The following TNIP3 variants were observed in gnomAD, a reference collection of about 807,000 sequenced individuals.
TNIP3 encodes the protein TNFAIP3 interacting protein 3.
A neutral mutation model predicts 54.1 loss-of-function variants in TNIP3; 34 were observed. The observed-to-expected ratio is 0.63, with a 90% CI of 0.48 to 0.84. TNIP3 has a LOEUF of 0.84. Among genes scored for constraint, TNIP3 ranks in the 40% least tolerant of loss-of-function variants. The probability of loss-of-function intolerance (pLI) is 0.00; values close to 1 mark genes in which losing one functional copy is unlikely to be tolerated. For missense variants in TNIP3, 366 were observed against 387.6 expected, an observed-to-expected ratio of 0.94 and a Z score of 0.47; for synonymous variants, 134 against 136.8, an observed-to-expected ratio of 0.98 and a Z score of 0.14.
At chr4:121,206,386 G>A (rs899628107) in intron 2 of TNIP3, among the ~76,000 whole-genome samples, 3 of 151,924 alleles carry the variant, frequency 2.0e-5, no homozygotes, top group African/African-American at 4.8e-5. Context: ...CCTGATCCTC[G>A]GTTAAGTTAA....
chr4:121,221,226 T>C (rs1727011894), upstream of TNIP3, among the ~76,000 whole-genome samples: 1 of 152,182 alleles, frequency 6.6e-6, no homozygotes, highest in South Asian at 2.1e-4. Context: ...GTTTTTCTAA[T>C]AATATCTTTA....
chr4:121,154,383 G>T, intron 5 of TNIP3, 168 bp downstream of exon 5: 1 of 833,656 alleles, frequency 1.2e-6, no homozygotes, highest in Non-Finnish European at 1.9e-6. Flanking sequence ...AGCCAAGTAT[G>T]ACTGAAAGCT....
chr4:121,197,118 A>G (rs17051319), intron 2 of TNIP3, among the ~76,000 whole-genome samples: 6,557 of 152,136 alleles, frequency 0.043, 465 homozygotes, highest in African/African-American at 0.15. Context: ...TATCAGTGCA[A>G]TATAAAAGTT....
chr4:121,147,233 G>T, intron 6 of TNIP3, 59 bp from the exon 7 acceptor site: 3 of 1,556,380 alleles, frequency 1.9e-6, no homozygotes, highest in South Asian at 1.2e-5. Flanking sequence ...CCATTTAAAT[G>T]ACTTTATTTT....
chr4:121,199,590 C>A (rs1009453756), intron 2 of TNIP3, among the ~76,000 whole-genome samples: 3 of 152,140 alleles, frequency 2.0e-5, no homozygotes, highest in African/African-American at 7.2e-5. Flanking sequence ...AAGCTTATCA[C>A]TGAATTGATC....
intron 2 of TNIP3, chr4:121,192,827 T>C (rs1278034924): frequency 6.6e-6 from 1 of 152,212 alleles, no homozygotes; most frequent in African/African-American, 2.4e-5. Flanking sequence ...AAATTTGCAT[T>C]GCATCCTTTC....
At chr4:121,135,258 G>A (rs1343779780) in intron 10 of TNIP3, among the ~76,000 whole-genome samples, 2 of 152,216 alleles carry the variant, frequency 1.3e-5, no homozygotes, top group East Asian at 1.9e-4. Context: ...GATTTACACA[G>A]ATAGGATGTA....
chr4:121,191,766 A>C (rs1308061011), intron 2 of TNIP3, among the ~76,000 whole-genome samples: 1 of 152,210 alleles, frequency 6.6e-6, no homozygotes. Flanking sequence ...ATCATATGAC[A>C]AAACACTACT....
At chr4:121,169,374 A>G (rs1015785099) in intron 3 of TNIP3, among the ~76,000 whole-genome samples, 1 of 152,102 alleles carries the variant, frequency 6.6e-6, no homozygotes, top group African/African-American at 2.4e-5. Flanking sequence ...CTGTTTATTG[A>G]GTCTTTACTT....
chr4:121,135,401 T>A (rs1277408082), intron 10 of TNIP3, among the ~76,000 whole-genome samples: 1 of 151,518 alleles, frequency 6.6e-6, no homozygotes, highest in Admixed American at 6.6e-5. Flanking sequence ...TTTTTTTTTA[T>A]TTTTTTTTAT....
chr4:121,133,668 T>C (rs1728611912), intron 10 of TNIP3, among the ~76,000 whole-genome samples: 1 of 152,156 alleles, frequency 6.6e-6, no homozygotes, highest in African/African-American at 2.4e-5. Flanking sequence ...AATGAGATAA[T>C]CCACGGCAGA....
intron 2 of TNIP3, among the ~76,000 whole-genome samples, chr4:121,211,423 T>C (rs28648448): frequency 0.082 from 12,402 of 152,134 alleles, 1,049 homozygotes; most frequent in African/African-American, 0.21. Context: ...GGATGAAAAC[T>C]CAACTCACTG....
chr4:121,190,318 A>G (rs1343833994), intron 2 of TNIP3, among the ~76,000 whole-genome samples: 2 of 152,124 alleles, frequency 1.3e-5, no homozygotes. Flanking sequence ...CCTGCTAATC[A>G]TTGTATTTTT....
chr4:121,161,484 C>A (rs113282653), intron 1 of TNIP3, among the ~76,000 whole-genome samples: 1 of 151,912 alleles, frequency 6.6e-6, no homozygotes, highest in Non-Finnish European at 1.5e-5. Context: ...TATACTATAA[C>A]GGGTAAGTCA....
chr4:121,216,492 A>G (rs1258928790), exon 2 of TNIP3: 2 of 1,535,822 alleles, frequency 1.3e-6, no homozygotes, highest in Non-Finnish European at 1.7e-6. Flanking sequence ...TGAGCCATCC[A>G]CATGGAATCT....
intron 5 of TNIP3, among the ~76,000 whole-genome samples, chr4:121,151,142 C>T (rs1729725239): frequency 6.6e-6 from 1 of 152,174 alleles, no homozygotes; most frequent in South Asian, 2.1e-4. Context: ...CAGAACACTT[C>T]TCATCCTGGT....
In TNIP3 at chr4:121,142,793, G is replaced by A. The variant is rs779946491; in HGVS notation, c.736-17C>T. ...AGCTTTTATCTAAAGACAAAACAAAGGCATTTGTTAATCAAGACAAGTTAA... is the reference window on the plus strand; with the variant it reads ...AGCTTTTATCTAAAGACAAAACAAAAGCATTTGTTAATCAAGACAAGTTAA... On this transcript the variant is annotated splice_polypyrimidine_tract_variant and intron_variant, in intron 7 of 10. Transcript: ENST00000057513. 1.2e-6 allele frequency: 2 copies of A among 1,604,748 alleles called. No individual in the cohort carries two copies. Among genetic ancestry groups the A allele is most frequent in the South Asian group, 1.1e-5 (1 of 90,592 alleles).
chr4:121,197,590 T>C lies in TNIP3; in HGVS notation c.69-14794A>G, dbSNP rs189210622. On this transcript the variant is annotated intron_variant, in intron 2 of 12. Coordinates refer to the TNIP3 transcript ENST00000507879. ...AGCTAAAATACACATTTGAAGTATTTAAATTTTTTAGATAAAAATGAAGAA... is the reference window on the plus strand; with the variant it reads ...AGCTAAAATACACATTTGAAGTATTCAAATTTTTTAGATAAAAATGAAGAA... 6.7e-3 allele frequency among the ~76,000 whole-genome samples: 1,022 copies of C among 151,796 alleles called. 3 individuals are homozygous for C. Among genetic ancestry groups the C allele is most frequent in the Admixed American group, 0.014 (213 of 15,240 alleles).
At chr4:121,196,843 C>T (rs1056195682) in intron 2 of TNIP3, among the ~76,000 whole-genome samples, 53 of 151,538 alleles carry the variant, frequency 3.5e-4, no homozygotes, top group Non-Finnish European at 8.8e-5. Context: ...GATTTATATA[C>T]GTATTTTTAA....
Sources: gnomAD v4.1 joint callset for allele counts (sites outside exome capture counted in the v4.1 genomes callset) on GRCh38, gnomAD v4.1.1 for gene constraint, MANE v1.5 for transcripts, NCBI Gene and HGNC (gene_info 2026-07-23, HGNC 2026-07-21) for gene names.